IL19: variants seen among roughly 807,000 people sequenced by gnomAD.
IL19 encodes interleukin-19.
Under a neutral mutation model 19.5 loss-of-function variants are expected in IL19, and 15 were observed. That is an observed-to-expected ratio of 0.77 (90% CI 0.52 to 1.19). The LOEUF is 1.19. IL19 is among the 50% of genes most tolerant of loss of function. IL19 has a pLI of 0.00. For synonymous variants in IL19, 78 were observed against 78.3 expected (o/e 1.00, Z 0.02); for missense variants, 199 against 213.1 (o/e 0.93, Z 0.41).
rs145500630 is a variant in IL19 at position 206,789,270 on chromosome 1, C to T, written c.-148-9591C>T. ...ATTAGGGTCATTAGACACTATGGAA[C>T]CTTCTCACTGAAGTTCCCTTTTTGG... On this transcript the variant is annotated intron_variant, in intron 1 of 6. Coordinates refer to ENST00000659997, the MANE Select transcript of IL19 (RefSeq NM_153758.5). Among the ~76,000 whole-genome samples, 645 of 152,298 alleles carry T rather than the reference C, an allele frequency of 4.2e-3. 9 individuals carry two copies. Among genetic ancestry groups the T allele is most frequent in the African/African-American group, 0.014 (599 of 41,552 alleles).
chr1:206,788,109 C>A (rs759822767), intron 1 of IL19, among the ~76,000 whole-genome samples: 7 of 152,180 alleles, frequency 4.6e-5, no homozygotes, highest in African/African-American at 1.7e-4. Context: ...TTCACGATCC[C>A]GGAGGTGGCT....
At chr1:206,828,254 C>T (rs190400172) in intron 2 of IL19, among the ~76,000 whole-genome samples, 4 of 151,728 alleles carry the variant, frequency 2.6e-5, no homozygotes, top group Non-Finnish European at 2.9e-5. Flanking sequence ...TCAGAGATAA[C>T]GTCAATGAGC....
At chr1:206,833,246 T>C (rs951854319) in intron 2 of IL19, among the ~76,000 whole-genome samples, 7 of 152,232 alleles carry the variant, frequency 4.6e-5, no homozygotes, top group Admixed American at 3.9e-4. Context: ...AGACAACTGC[T>C]AGAGGAAGCA....
chr1:206,799,381 G>A (rs993265365), intron 2 of IL19, among the ~76,000 whole-genome samples: 46 of 152,156 alleles, frequency 3.0e-4, no homozygotes, highest in Non-Finnish European at 1.8e-4. Flanking sequence ...GCAAAAAGGG[G>A]GAATTTACTG....
At chr1:206,825,984 G>T (rs1376631654) in intron 2 of IL19, among the ~76,000 whole-genome samples, 1 of 152,144 alleles carries the variant, frequency 6.6e-6, no homozygotes, top group African/African-American at 2.4e-5. Flanking sequence ...TTAAAAATGG[G>T]GCCATCTGGC....
chr1:206,772,343 G>A, intron 1 of IL19: 1 of 1,614,160 alleles, frequency 6.2e-7, no homozygotes, highest in Non-Finnish European at 8.5e-7. Context: ...CTGGGAAGTG[G>A]GTGCAGCTGT....
In IL19 at chr1:206,842,804, T is replaced by C; in HGVS notation, c.*182T>C. ...GCCAAAAAGTCTACTGTGGTATTTGTAATAAACTCTATCTGCTGAAAGGGC... is the reference window on the plus strand; with the variant it reads ...GCCAAAAAGTCTACTGTGGTATTTGCAATAAACTCTATCTGCTGAAAGGGC... On this transcript the variant is annotated 3_prime_UTR_variant, in exon 7 of 7. Coordinates refer to ENST00000659997, the MANE Select transcript of IL19 (RefSeq NM_153758.5). 3.8e-6 allele frequency: 2 copies of C among 532,282 alleles called. No individual in the cohort carries two copies. The highest frequency in any genetic ancestry group is 6.7e-6 in the Non-Finnish European group (2 of 297,912). 33.0% of individuals were successfully genotyped at this position (532,282 alleles called of 1,614,324 possible). A position where few individuals can be genotyped will look rare whatever the true frequency, so the allele number is the denominator to read the frequency against.
intron 6 of IL19, among the ~76,000 whole-genome samples, chr1:206,842,162 G>T (rs1186236505): frequency 6.6e-6 from 1 of 152,118 alleles, no homozygotes; most frequent in Non-Finnish European, 1.5e-5. Context: ...GGACAAAGAT[G>T]TTCTGGGATA....
At chr1:206,821,228 T>C (rs1323311165) in intron 2 of IL19, among the ~76,000 whole-genome samples, 1 of 152,142 alleles carries the variant, frequency 6.6e-6, no homozygotes, top group Admixed American at 6.5e-5. Context: ...TGATGACAGG[T>C]TCTGGAAGTT....
At chr1:206,838,137 A>C (rs1676862122) in intron 4 of IL19, among the ~76,000 whole-genome samples, 1 of 152,242 alleles carries the variant, frequency 6.6e-6, no homozygotes, top group African/African-American at 2.4e-5. Context: ...TACAATGGAC[A>C]ACGTGAGGCA....
chr1:206,826,236 C>A lies in IL19; in HGVS notation c.-2-10425C>A, dbSNP rs72756982. Among the ~76,000 whole-genome samples, 11 of 152,318 alleles carry A rather than the reference C, an allele frequency of 7.2e-5. No individual in the cohort carries two copies. In the East Asian group the frequency reaches 1.5e-3, roughly 21 times the overall value. The stretch of plus-strand genomic sequence containing the variant: ...TGAATTTTAGCCCTAAGCTGCAAAT[C>A]CTAGCTAACTTCTAAGTAGATGCTG... On this transcript the variant is annotated intron_variant, in intron 2 of 6. Coordinates refer to ENST00000659997, the MANE Select transcript of IL19 (RefSeq NM_153758.5).
chr1:206,826,789 C>G (rs571396068), intron 2 of IL19, among the ~76,000 whole-genome samples: 1 of 152,244 alleles, frequency 6.6e-6, no homozygotes, highest in Non-Finnish European at 1.5e-5. Context: ...AAGCCATCCT[C>G]TATGCCATTT....
intron 2 of IL19, among the ~76,000 whole-genome samples, chr1:206,810,748 G>A (rs1254446965): frequency 1.3e-5 from 2 of 152,194 alleles, no homozygotes; most frequent in Non-Finnish European, 2.9e-5. Flanking sequence ...ATGCTGAAAT[G>A]TGATCCCCAA....
chr1:206,841,167 C>T (rs1677004642), intron 6 of IL19, 89 bp downstream of exon 6: 17 of 956,164 alleles, frequency 1.8e-5, no homozygotes, highest in Non-Finnish European at 2.7e-5. Flanking sequence ...CACTTAAATT[C>T]ATGCATTCAC....
At chr1:206,775,208 G>A (rs6693899) in intron 1 of IL19, among the ~76,000 whole-genome samples, 6 of 151,452 alleles carry the variant, frequency 4.0e-5, no homozygotes, top group Non-Finnish European at 8.8e-5. Context: ...GCCCGGCTAA[G>A]TTTTTTTATT....
intron 2 of IL19, among the ~76,000 whole-genome samples, chr1:206,818,493 G>A (rs909905861): frequency 2.0e-5 from 3 of 152,210 alleles, no homozygotes; most frequent in Non-Finnish European, 4.4e-5. Flanking sequence ...ACCCAAATTA[G>A]TCTATACTTT....
intron 4 of IL19, among the ~76,000 whole-genome samples, chr1:206,838,421 T>C (rs534949263): frequency 4.6e-5 from 7 of 152,340 alleles, no homozygotes; most frequent in African/African-American, 1.7e-4. Context: ...CACCTCTTCA[T>C]AATTCTTCTA....
chr1:206,788,355 C>T (rs1365154668), intron 1 of IL19, among the ~76,000 whole-genome samples: 1 of 152,178 alleles, frequency 6.6e-6, no homozygotes, highest in Non-Finnish European at 1.5e-5. Flanking sequence ...TTACTATATA[C>T]AAGACACTTC....
At chr1:206,775,547 T>C (rs1674971906) in intron 1 of IL19, among the ~76,000 whole-genome samples, 1 of 152,244 alleles carries the variant, frequency 6.6e-6, no homozygotes, top group African/African-American at 2.4e-5. Context: ...AGATAACGGC[T>C]TCTCCATCAA....
Sources: gnomAD v4.1 joint callset for allele counts (sites outside exome capture counted in the v4.1 genomes callset) on GRCh38, gnomAD v4.1.1 for gene constraint, MANE v1.5 for transcripts, NCBI Gene and HGNC (gene_info 2026-07-23, HGNC 2026-07-21) for gene names.